RNF150: variants seen among roughly 807,000 people sequenced by gnomAD.
RNF150 encodes the protein ring finger protein 150.
In RNF150, 24 loss-of-function variants were observed where a neutral mutation model predicts 39.3. The ratio of observed to expected loss-of-function variants is 0.61; its 90% CI spans 0.44 to 0.86. The LOEUF is 0.86. Ranked by LOEUF, RNF150 falls within the 40% of genes least tolerant of loss-of-function variation. RNF150 has a pLI of 0.00. For synonymous variants in RNF150, 255 were observed against 227.3 expected (o/e 1.12, Z -1.10); for missense variants, 502 against 587.8 (o/e 0.85, Z 1.51).
intron 1 of RNF150, among the ~76,000 whole-genome samples, chr4:141,073,347 A>G (rs1021821812): frequency 6.6e-6 from 1 of 152,128 alleles, no homozygotes; most frequent in African/African-American, 2.4e-5. Context: ...CATGTTTCCA[A>G]TCCAAAACAA....
intron 1 of RNF150, among the ~76,000 whole-genome samples, chr4:141,154,492 T>C (rs1727350596): frequency 6.6e-6 from 1 of 152,088 alleles, no homozygotes; most frequent in Non-Finnish European, 1.5e-5. Flanking sequence ...GGCTAAATGC[T>C]GGGGGGCTGG....
chr4:141,113,625 A>G (rs558499312), intron 1 of RNF150, among the ~76,000 whole-genome samples: 1 of 152,208 alleles, frequency 6.6e-6, no homozygotes, highest in East Asian at 1.9e-4. Flanking sequence ...CAGAAAATTA[A>G]CAAGAATATT....
intron 1 of RNF150, among the ~76,000 whole-genome samples, chr4:141,179,249 CCTCA>C (rs1578783152): frequency 1.3e-5 from 2 of 152,088 alleles, no homozygotes; most frequent in East Asian, 3.8e-4. Flanking sequence ...GTAAATATGT[CCTCA>C]CTGTCTCCTC....
chr4:141,103,873 T>C (rs1739104662), intron 1 of RNF150, among the ~76,000 whole-genome samples: 1 of 152,202 alleles, frequency 6.6e-6, no homozygotes, highest in Non-Finnish European at 1.5e-5. Flanking sequence ...CTAGGATGAT[T>C]CTATTTTCAA....
intron 1 of RNF150, among the ~76,000 whole-genome samples, chr4:141,119,851 T>C (rs1490876977): frequency 6.6e-6 from 1 of 152,162 alleles, no homozygotes; most frequent in African/African-American, 2.4e-5. Context: ...GATGAATCTC[T>C]TACCACAGTC....
At chr4:140,999,974 A>C (rs1279303613) in intron 1 of RNF150, among the ~76,000 whole-genome samples, 3 of 30,544 alleles carry the variant, frequency 9.8e-5, no homozygotes, top group South Asian at 3.4e-3. Flanking sequence ...AAGAAGAAGA[A>C]GAAAAGAAGA....
At chr4:141,063,792 G>A (rs542734303) in intron 1 of RNF150, among the ~76,000 whole-genome samples, 2 of 152,202 alleles carry the variant, frequency 1.3e-5, no homozygotes, top group African/African-American at 2.4e-5. Context: ...AGTTTCATGT[G>A]TGTGCCCGTA....
chr4:141,163,977 T>A (rs1293437678), intron 1 of RNF150, among the ~76,000 whole-genome samples: 1 of 151,962 alleles, frequency 6.6e-6, no homozygotes, highest in Admixed American at 6.6e-5. Flanking sequence ...AGCAGTAGGC[T>A]TCAGAAGGTG....
chr4:141,149,135 G>A (rs1301499473), intron 1 of RNF150, among the ~76,000 whole-genome samples: 4 of 152,144 alleles, frequency 2.6e-5, no homozygotes, highest in African/African-American at 9.7e-5. Context: ...CTTTTGTGGG[G>A]ATTTCAAGAA....
At chr4:141,136,917 T>C (rs1727036833), upstream of RNF150, among the ~76,000 whole-genome samples, 1 of 152,196 alleles carries the variant, frequency 6.6e-6, no homozygotes. Context: ...TTGAACAGAA[T>C]ATTGAAAGAA....
intron 2 of RNF150, among the ~76,000 whole-genome samples, chr4:140,954,114 G>C (rs1732653847): frequency 6.6e-6 from 1 of 152,196 alleles, no homozygotes; most frequent in South Asian, 2.1e-4. Flanking sequence ...ACCACCTCAG[G>C]TTTGAGTCAG....
chr4:141,185,593 T>C (rs1298701997), intron 1 of RNF150, among the ~76,000 whole-genome samples: 3 of 152,356 alleles, frequency 2.0e-5, no homozygotes, highest in African/African-American at 4.8e-5. Context: ...AGAGAGGGCA[T>C]CCTTGTCTTG....
intron 1 of RNF150, among the ~76,000 whole-genome samples, chr4:141,007,814 G>A (rs913498577): frequency 6.6e-6 from 1 of 152,148 alleles, no homozygotes; most frequent in Non-Finnish European, 1.5e-5. Flanking sequence ...GCATCTGGTT[G>A]ATCCCAGAGA....
At chr4:141,210,531 T>C (rs1728446373) in intron 1 of RNF150, among the ~76,000 whole-genome samples, 2 of 152,024 alleles carry the variant, frequency 1.3e-5, no homozygotes, top group East Asian at 3.9e-4. Context: ...ATAAGAGATT[T>C]TTCTTACTTC....
chr4:141,079,810 A>G (rs1738081230), intron 1 of RNF150, among the ~76,000 whole-genome samples: 1 of 152,238 alleles, frequency 6.6e-6, no homozygotes, highest in South Asian at 2.1e-4. Flanking sequence ...ACTGTGTGGT[A>G]GCAGGCCGAA....
At chr4:140,965,617 C>G (rs565622802) in intron 2 of RNF150, among the ~76,000 whole-genome samples, 2 of 152,004 alleles carry the variant, frequency 1.3e-5, no homozygotes, top group African/African-American at 4.8e-5. Flanking sequence ...CATAGATGGG[C>G]CTGGAGGACA....
intron 2 of RNF150, among the ~76,000 whole-genome samples, chr4:140,963,377 C>T (rs938786614): frequency 6.6e-6 from 1 of 151,924 alleles, no homozygotes; most frequent in African/African-American, 2.4e-5. Flanking sequence ...CCCAATAAGA[C>T]TTTCTGTAGT....
chr4:140,962,065 TTCTCTCTCTCTCTCTACTCTC>T (rs1733051868), intron 2 of RNF150, among the ~76,000 whole-genome samples: 1 of 149,084 alleles, frequency 6.7e-6, no homozygotes, highest in Admixed American at 6.7e-5. Flanking sequence ...TCTCTCTCTC[TTCTCTCTCTCTCTCTACTCTC>T]TCTCTCTCTA....
At chr4:140,970,454 T>C (rs1204043197) in intron 1 of RNF150, among the ~76,000 whole-genome samples, 1 of 142,970 alleles carries the variant, frequency 7.0e-6, no homozygotes, top group Non-Finnish European at 1.5e-5. Context: ...AGCCTAACTC[T>C]TCCTTCACTA....
Sources: gnomAD v4.1 joint callset for allele counts (sites outside exome capture counted in the v4.1 genomes callset) on GRCh38, gnomAD v4.1.1 for gene constraint, MANE v1.5 for transcripts, NCBI Gene and HGNC (gene_info 2026-07-23, HGNC 2026-07-21) for gene names.